Variants in E2F3 observed in about 807,000 individuals in gnomAD.
E2F3 encodes E2F transcription factor 3, also known as transcription factor E2F3.
E2F3 carries 11 observed loss-of-function variants against 44.4 expected under a neutral mutation model. That is an observed-to-expected ratio of 0.25 (90% CI 0.16 to 0.41). E2F3 has a LOEUF of 0.41. E2F3 is among the 10% of genes least tolerant of loss of function. The pLI, the probability that E2F3 is intolerant of heterozygous loss-of-function variation, is 1.00. For missense variants in E2F3, 487 were observed against 583.6 expected, an observed-to-expected ratio of 0.83 and a Z score of 1.70; for synonymous variants, 249 against 253.0, an observed-to-expected ratio of 0.98 and a Z score of 0.15.
intron 1 of E2F3, among the ~76,000 whole-genome samples, chr6:20,412,606 G>A (rs751868188): frequency 5.4e-4 from 82 of 152,234 alleles, no homozygotes; most frequent in Middle Eastern, 3.4e-3. Flanking sequence ...GGGCTGGGCG[G>A]GGAGTAGATT....
At chr6:20,483,760 C>T (rs1256405519) in intron 4 of E2F3, among the ~76,000 whole-genome samples, 1 of 152,208 alleles carries the variant, frequency 6.6e-6, no homozygotes, top group Non-Finnish European at 1.5e-5. Context: ...TAAGTTATCC[C>T]ATCTCTAGTT....
chr6:20,451,318 T>C (rs1761123616), intron 1 of E2F3, among the ~76,000 whole-genome samples: 1 of 152,170 alleles, frequency 6.6e-6, no homozygotes, highest in Non-Finnish European at 1.5e-5. Flanking sequence ...ATTCTTTTTG[T>C]GGCAGTTGTG....
At chr6:20,412,466 G>A (rs773249472) in intron 1 of E2F3, among the ~76,000 whole-genome samples, 4 of 152,138 alleles carry the variant, frequency 2.6e-5, no homozygotes, top group Non-Finnish European at 5.9e-5. Context: ...ATAAGTCAAA[G>A]GCAGGCAGGC....
At chr6:20,417,165 TG>T (rs1375994724) in intron 1 of E2F3, among the ~76,000 whole-genome samples, 1 of 152,212 alleles carries the variant, frequency 6.6e-6, no homozygotes, top group Non-Finnish European at 1.5e-5. Flanking sequence ...AAGGCTTATC[TG>T]AAAATGAAAT....
Position 20,490,448 on chromosome 6 carries a change from T to C in E2F3, c.*18T>C. ...GTAGTTGATTATGCTTCGTGTGAAC[T>C]CTCCTTAAAAACCGATATTTTTTTA... On this transcript the variant is annotated 3_prime_UTR_variant, in exon 7 of 7. Coordinates refer to ENST00000346618, the MANE Select transcript of E2F3 (RefSeq NM_001949.5). This position sits in a 1 kb window ranked among gnomAD's most constrained non-coding sequence, Gnocchi z 4.3. The C allele has an allele frequency of 6.5e-7, 1 of 1,531,840 alleles. No individual in the cohort carries two copies. Among genetic ancestry groups the C allele is most frequent in the Non-Finnish European group, 8.8e-7 (1 of 1,139,872 alleles). 94.9% of individuals were successfully genotyped at this position (1,531,840 alleles called of 1,614,324 possible). A position where few individuals can be genotyped will look rare whatever the true frequency, so the allele number is the denominator to read the frequency against.
intron 1 of E2F3, among the ~76,000 whole-genome samples, chr6:20,458,803 A>G (rs531055193): frequency 2.0e-5 from 3 of 152,350 alleles, no homozygotes; most frequent in Admixed American, 2.0e-4. Context: ...GTCTTTGGGA[A>G]GAACAATTAG....
At chr6:20,440,407 G>A (rs1010218026) in intron 1 of E2F3, among the ~76,000 whole-genome samples, 2 of 152,242 alleles carry the variant, frequency 1.3e-5, no homozygotes, top group Non-Finnish European at 2.9e-5. Flanking sequence ...AGCTAAGGCA[G>A]TTCTCACTGC....
Position 20,490,301 on chromosome 6 carries a change from G to A in E2F3, c.1269G>A (p.Val423=). The A allele has an allele frequency of 6.2e-7, 1 of 1,614,156 alleles. No individual in the cohort carries two copies. The highest frequency in any genetic ancestry group is 2.2e-5 in the East Asian group (1 of 44,874). The change falls in exon 7 of 7, where the codon GTG becomes GTA. Residue 423 remains valine, a synonymous_variant. Transcript: ENST00000346618. The surrounding 1 kb of genome is among the most constrained non-coding windows in gnomAD (Gnocchi z 4.3). ...QIPSNLEGPF[V]NLLPPLLQED... is the part of the protein sequence containing the mutation. ...CTTCCAACCTAGAAGGACCGTTTGT[G>A]AACTTACTGCCTCCCCTGCTGCAAG... is the stretch of plus-strand genomic sequence containing the variant.
chr6:20,475,512 G>A (rs1382099650), intron 1 of E2F3, among the ~76,000 whole-genome samples: 1 of 152,094 alleles, frequency 6.6e-6, no homozygotes, highest in Admixed American at 6.6e-5. Flanking sequence ...CCTTCTTTCT[G>A]TTCACTTTAT....
intron 1 of E2F3, among the ~76,000 whole-genome samples, chr6:20,416,961 C>T (rs78490100): frequency 0.23 from 35,046 of 151,980 alleles, 4,318 homozygotes; most frequent in South Asian, 0.31. Context: ...CGGGACTCAG[C>T]AACAGAAATT....
At chr6:20,419,334 G>A (rs180849867) in intron 1 of E2F3, among the ~76,000 whole-genome samples, 52 of 152,124 alleles carry the variant, frequency 3.4e-4, no homozygotes, top group South Asian at 1.2e-3. Flanking sequence ...ATTTCTAAGC[G>A]TTGAATTTTT....
In E2F3 at chr6:20,493,070, A is replaced by G; in HGVS notation, c.*2640A>G. The G allele has an allele frequency of 4.6e-6, 1 of 218,682 alleles. No homozygotes were observed. Among genetic ancestry groups the G allele is most frequent in the Non-Finnish European group, 9.2e-6 (1 of 108,620 alleles). The allele number at this position is 218,682 out of a possible 1,614,324, so 13.5% of individuals were successfully genotyped here. ...TGTGTTTATATGTACAGAGTTGTGC[A>G]TAGCAATCGTTTTATTTAAGTTGAT... On this transcript the variant is annotated 3_prime_UTR_variant, in exon 7 of 7. Coordinates refer to ENST00000346618, the MANE Select transcript of E2F3 (RefSeq NM_001949.5).
At chr6:20,478,809 T>TA (rs1056251565) in intron 1 of E2F3, among the ~76,000 whole-genome samples, 19 of 151,984 alleles carry the variant, frequency 1.3e-4, no homozygotes, top group African/African-American at 3.9e-4. Context: ...GACTCTGTCT[T>TA]AAAAAAAAGA....
chr6:20,410,684 T>C, intron 1 of E2F3, among the ~76,000 whole-genome samples: 1 of 152,150 alleles, frequency 6.6e-6, no homozygotes, highest in Non-Finnish European at 1.5e-5. Flanking sequence ...AATGGTGCAA[T>C]CTTGGCTCAC....
chr6:20,402,676 C>T lies in E2F3; in HGVS notation c.393+51C>T. 2 of 1,297,238 alleles carry T rather than the reference C, an allele frequency of 1.5e-6. No homozygotes were observed. Among genetic ancestry groups the T allele is most frequent in the East Asian group, 3.2e-5 (1 of 31,438 alleles). 80.4% of individuals were successfully genotyped at this position (1,297,238 alleles called of 1,614,324 possible). A position where few individuals can be genotyped will look rare whatever the true frequency, so the allele number is the denominator to read the frequency against. On this transcript the variant is annotated intron_variant, in intron 1 of 6. Transcript: ENST00000346618. The surrounding 1 kb of genome is among the most constrained non-coding windows in gnomAD (Gnocchi z 5.6). ...CCAGCCCCGGCGGGAGGTGGGCTCG[C>T]ACCGCGCGGGGTCGTGGGCGCGCTG... is the stretch of plus-strand genomic sequence containing the variant.
intron 1 of E2F3, among the ~76,000 whole-genome samples, chr6:20,412,108 CT>C (rs763402617): frequency 8.5e-5 from 13 of 152,164 alleles, no homozygotes; most frequent in Admixed American, 2.0e-4. Flanking sequence ...ACAAGTTGAT[CT>C]GCAAGCAAGA....
At chr6:20,487,231 G>T (rs1439995226) in intron 5 of E2F3, among the ~76,000 whole-genome samples, 1 of 152,296 alleles carries the variant, frequency 6.6e-6, no homozygotes, top group South Asian at 2.1e-4. Flanking sequence ...TTAGCTGATA[G>T]ACTAGAATAT....
In E2F3 at chr6:20,452,878, C is replaced by T. The variant is rs150824574; in HGVS notation, c.394-26968C>T. On this transcript the variant is annotated intron_variant, in intron 1 of 6. Transcript: ENST00000346618. Reference sequence around the variant, plus strand: ...CTGAGGCAGGAGAATCGTTTGAACCCGGGTGGCAGAGGTTGCAGTGAGCCG... The same window carrying T: ...CTGAGGCAGGAGAATCGTTTGAACCTGGGTGGCAGAGGTTGCAGTGAGCCG... 6.2e-3 allele frequency among the ~76,000 whole-genome samples: 943 copies of T among 152,144 alleles called. 7 individuals carry two copies. Among genetic ancestry groups the T allele is most frequent in the African/African-American group, 0.02 (831 of 41,514 alleles).
intron 1 of E2F3, among the ~76,000 whole-genome samples, chr6:20,443,634 G>A (rs1454550476): frequency 6.6e-6 from 1 of 152,018 alleles, no homozygotes; most frequent in Non-Finnish European, 1.5e-5. Flanking sequence ...ACTCGGGAGA[G>A]CGAGAACCCA....
Sources: allele counts gnomAD v4.1 joint callset (sites outside exome capture counted in the v4.1 genomes callset), GRCh38; gene constraint gnomAD v4.1.1; non-coding constraint Gnocchi (gnomAD v3.1); transcripts MANE v1.5; gene names NCBI Gene and HGNC (gene_info 2026-07-23, HGNC 2026-07-21).